RBFOX1: variants seen among roughly 807,000 people sequenced by gnomAD.
RBFOX1 encodes RNA binding protein fox-1 homolog 1.
In RBFOX1, 8 loss-of-function variants were observed where a neutral mutation model predicts 57.7. That is an observed-to-expected ratio of 0.14 (90% confidence interval 0.08 to 0.25). The LOEUF (loss-of-function observed/expected upper bound fraction) is 0.25, where lower values mean the gene tolerates loss of function less well. RBFOX1 is among the 10% of genes least tolerant of loss of function. RBFOX1 has a pLI of 1.00. For missense variants in RBFOX1, 611 were observed against 548.5 expected (o/e 1.11, Z -1.14); for synonymous variants, 326 against 222.4 (o/e 1.47, Z -4.15).
rs149625883 is a variant in RBFOX1, at chr16:7,569,268, G to T, written c.271-10509G>T. Among the ~76,000 whole-genome samples the T allele has an allele frequency of 8.0e-4, 122 of 152,286 alleles. 1 individual carries two copies. Among genetic ancestry groups the T allele is most frequent in the Non-Finnish European group, 4.9e-4 (33 of 68,030 alleles). ...TACAGTTCTGGAGATCAGAAGTGTA[G>T]CATGGGAATCACCAGGTTTACAAGG... On this transcript the variant is annotated intron_variant, in intron 5 of 15. Transcript: ENST00000550418.
At chr16:5,896,916 C>G (rs920587959) in intron 4 of RBFOX1, among the ~76,000 whole-genome samples, 1 of 151,770 alleles carries the variant, frequency 6.6e-6, no homozygotes, top group Non-Finnish European at 1.5e-5. Flanking sequence ...CAAAATCTCT[C>G]ACCTTTGTCT....
chr16:5,877,598 C>T (rs2057647549), intron 4 of RBFOX1, among the ~76,000 whole-genome samples: 1 of 152,234 alleles, frequency 6.6e-6, no homozygotes, highest in African/African-American at 2.4e-5. Context: ...CAAGGGTAAG[C>T]AGTGGTGTTA....
chr16:7,303,717 T>G (rs1603615704), intron 4 of RBFOX1, among the ~76,000 whole-genome samples: 1 of 151,790 alleles, frequency 6.6e-6, no homozygotes, highest in East Asian at 2.0e-4. Flanking sequence ...TCAAAACCTC[T>G]CTTCCTCTCT....
chr16:6,073,934 A>G (rs2095865348), intron 1 of RBFOX1, among the ~76,000 whole-genome samples: 1 of 152,074 alleles, frequency 6.6e-6, no homozygotes, highest in Admixed American at 6.6e-5. Flanking sequence ...CCAGGAGCTC[A>G]CATCAGTGTA....
intron 4 of RBFOX1, among the ~76,000 whole-genome samples, chr16:7,357,068 G>C (rs1297019317): frequency 6.6e-6 from 1 of 152,106 alleles, no homozygotes; most frequent in Non-Finnish European, 1.5e-5. Context: ...GGAACATTCT[G>C]CATCAAGGTA....
intron 1 of RBFOX1, among the ~76,000 whole-genome samples, chr16:5,273,491 C>T (rs554175767): frequency 2.0e-5 from 3 of 152,302 alleles, no homozygotes; most frequent in South Asian, 4.1e-4. Flanking sequence ...GATGCCCTTG[C>T]ATCACCTCCC....
intron 4 of RBFOX1, among the ~76,000 whole-genome samples, chr16:7,114,001 T>C (rs556131866): frequency 6.6e-6 from 1 of 152,326 alleles, no homozygotes; most frequent in Admixed American, 6.5e-5. Flanking sequence ...AGTGAATTTA[T>C]AATTATTTGA....
intron 2 of RBFOX1, among the ~76,000 whole-genome samples, chr16:5,513,487 C>T (rs377328969): frequency 4.6e-5 from 7 of 152,302 alleles, no homozygotes; most frequent in African/African-American, 1.4e-4. Flanking sequence ...GCTCTTCACA[C>T]ACCACACCCA....
chr16:6,022,620 C>G (rs1220220693), intron 1 of RBFOX1, among the ~76,000 whole-genome samples: 1 of 152,126 alleles, frequency 6.6e-6, no homozygotes, highest in African/African-American at 2.4e-5. Flanking sequence ...AAGGTTGAGG[C>G]TGCAGTGAGC....
At chr16:6,894,356 A>G (rs1206082624) in intron 3 of RBFOX1, among the ~76,000 whole-genome samples, 1 of 152,116 alleles carries the variant, frequency 6.6e-6, no homozygotes, top group African/African-American at 2.4e-5. Context: ...TTTGACAGTC[A>G]GTCTCATGGA....
At chr16:7,350,496 C>A (rs538998910) in intron 4 of RBFOX1, among the ~76,000 whole-genome samples, 1 of 152,200 alleles carries the variant, frequency 6.6e-6, no homozygotes, top group African/African-American at 2.4e-5. Context: ...CAAACCCCTG[C>A]AGAATTTCAA....
At chr16:7,228,627 A>C (rs2093301060) in intron 4 of RBFOX1, among the ~76,000 whole-genome samples, 1 of 152,138 alleles carries the variant, frequency 6.6e-6, no homozygotes, top group African/African-American at 2.4e-5. Flanking sequence ...CTTGGGCTAG[A>C]AGGATTCTCA....
intron 3 of RBFOX1, among the ~76,000 whole-genome samples, chr16:6,799,162 C>T (rs1349772564): frequency 6.6e-6 from 1 of 151,962 alleles, no homozygotes; most frequent in Non-Finnish European, 1.5e-5. Context: ...TAGCTTTGCT[C>T]AGGAAAGAAT....
intron 4 of RBFOX1, among the ~76,000 whole-genome samples, chr16:7,434,014 G>T (rs1007191628): frequency 6.6e-6 from 1 of 152,108 alleles, no homozygotes; most frequent in Non-Finnish European, 1.5e-5. Flanking sequence ...TAATACTATT[G>T]GAAACTGCTC....
At chr16:6,936,609 T>G (rs1469557274) in intron 3 of RBFOX1, among the ~76,000 whole-genome samples, 1 of 152,124 alleles carries the variant, frequency 6.6e-6, no homozygotes, top group Admixed American at 6.5e-5. Flanking sequence ...TTGACATCCC[T>G]ATAAAATATT....
At chr16:7,565,872 A>C (rs2091546685) in intron 5 of RBFOX1, among the ~76,000 whole-genome samples, 1 of 152,060 alleles carries the variant, frequency 6.6e-6, no homozygotes, top group South Asian at 2.1e-4. Context: ...TGTGGGGAGA[A>C]TCATGCAGCA....
intron 5 of RBFOX1, among the ~76,000 whole-genome samples, chr16:7,535,929 C>A (rs185742137): frequency 9.9e-5 from 15 of 152,264 alleles, no homozygotes; most frequent in Admixed American, 9.1e-4. Context: ...TGGGTTCTTA[C>A]TATTTGAGAG....
At chr16:7,004,574 A>G (rs1383713000) in intron 3 of RBFOX1, among the ~76,000 whole-genome samples, 1 of 152,182 alleles carries the variant, frequency 6.6e-6, no homozygotes, top group South Asian at 2.1e-4. Flanking sequence ...TCTAAGGTTT[A>G]TTAGTACAAT....
At chr16:6,025,251 G>C (rs1402834222) in intron 1 of RBFOX1, among the ~76,000 whole-genome samples, 1 of 152,198 alleles carries the variant, frequency 6.6e-6, no homozygotes, top group Non-Finnish European at 1.5e-5. Flanking sequence ...TGGACGTAGT[G>C]ACATCTGAAA....
Sources: allele counts gnomAD v4.1 joint callset (sites outside exome capture counted in the v4.1 genomes callset), GRCh38; gene constraint gnomAD v4.1.1; transcripts MANE v1.5; gene names NCBI Gene and HGNC (gene_info 2026-07-23, HGNC 2026-07-21).